Variants in CCZ1 observed in about 807,000 individuals in gnomAD.
The protein encoded by CCZ1 is CCZ1 vacuolar protein trafficking and biogenesis associated.
CCZ1 carries 19 observed loss-of-function variants against 57.8 expected under a neutral mutation model. The ratio of observed to expected loss-of-function variants is 0.33; its 90% confidence interval spans 0.23 to 0.48. The LOEUF (loss-of-function observed/expected upper bound fraction) is 0.48, where lower values mean the gene tolerates loss of function less well. Ranked by LOEUF, CCZ1 falls within the 20% of genes least tolerant of loss-of-function variation. The pLI, the probability that CCZ1 is intolerant of heterozygous loss-of-function variation, is 0.99. For missense variants in CCZ1, 200 were observed against 492.0 expected, an observed-to-expected ratio of 0.41 and a Z score of 5.61; for synonymous variants, 81 against 167.0, an observed-to-expected ratio of 0.49 and a Z score of 3.97.
intron 12 of CCZ1, among the ~76,000 whole-genome samples, chr7:5,920,955 T>TTG (rs1554283012): frequency 1.1e-5 from 1 of 89,656 alleles, no homozygotes; most frequent in African/African-American, 5.4e-5. Context: ...TTTTGGGTTT[T>TTG]TTTTTTTTTT....
rs1169120328 is a variant in CCZ1, at chr7:5,920,955, T to G, written c.1106+989T>G. 7.6e-4 allele frequency among the ~76,000 whole-genome samples: 68 copies of G among 89,688 alleles called. 2 individuals carry two copies. The highest frequency in any genetic ancestry group is 3.0e-3 in the African/African-American group (56 of 18,656). 58.8% of individuals were successfully genotyped at this position (89,688 alleles called of 152,430 possible). A position where few individuals can be genotyped will look rare whatever the true frequency, so the allele number is the denominator to read the frequency against. On this transcript the variant is annotated intron_variant, in intron 12 of 14. Transcript: ENST00000325974. Reference sequence around the variant, plus strand: ...TGTTCATACGTTGTTTTTTGGGTTTTTTTTTTTTTTTTTTTTAAGACAGAG... The same window carrying G: ...TGTTCATACGTTGTTTTTTGGGTTTGTTTTTTTTTTTTTTTTAAGACAGAG...
At chr7:5,916,495 T>C in intron 10 of CCZ1, among the ~76,000 whole-genome samples, 1 of 38,920 alleles carries the variant, frequency 2.6e-5, no homozygotes, top group South Asian at 1.5e-3. Context: ...GGGTTTTTGT[T>C]TTGTTTTTTG....
intron 8 of CCZ1, among the ~76,000 whole-genome samples, chr7:5,911,610 A>C (rs1443404469): frequency 1.5e-4 from 22 of 149,060 alleles, no homozygotes; most frequent in African/African-American, 5.5e-4. Flanking sequence ...TTTAAAAACT[A>C]GCCAGGTTTG....
chr7:5,906,164 A>G (rs1393278085), intron 7 of CCZ1, among the ~76,000 whole-genome samples: 1 of 147,932 alleles, frequency 6.8e-6, no homozygotes, highest in African/African-American at 2.5e-5. Context: ...CAACGTGGGC[A>G]CAAGACTGCC....
At chr7:5,919,825 G>A (rs1173622835) in intron 11 of CCZ1, 24 bp from the exon 12 acceptor site, 1 of 1,612,002 alleles carries the variant, frequency 6.2e-7, no homozygotes, top group African/African-American at 1.3e-5. Context: ...AATCTTACTG[G>A]TATTTTTTGT....
intron 7 of CCZ1, among the ~76,000 whole-genome samples, chr7:5,907,156 G>A (rs1487309153): frequency 6.7e-5 from 10 of 149,848 alleles, no homozygotes; most frequent in Non-Finnish European, 1.2e-4. Flanking sequence ...ACTGTGCCCC[G>A]CCTCCACCTA....
At chr7:5,899,332 GGGGTGTGTGTGTGTGTGTGT>G (rs1288878994) in intron 1 of CCZ1, among the ~76,000 whole-genome samples, 59 of 128,886 alleles carry the variant, frequency 4.6e-4, no homozygotes, top group African/African-American at 6.0e-4. Flanking sequence ...TTTCGGGAGG[GGGGTGTGTGTGTGTGTGTGT>G]GTGTGTGTGT....
intron 8 of CCZ1, 135 bp from the exon 9 acceptor site, chr7:5,911,726 A>C (rs1779044969): frequency 2.3e-5 from 30 of 1,304,688 alleles, no homozygotes; most frequent in Non-Finnish European, 3.0e-5. Flanking sequence ...CAGCCTGGGC[A>C]ACAGAACAAG....
chr7:5,920,951 G>GT (rs201738735), intron 12 of CCZ1, among the ~76,000 whole-genome samples: 9,147 of 83,910 alleles, frequency 0.11, 1,076 homozygotes, highest in Non-Finnish European at 0.14. Flanking sequence ...TGTTTTTTGG[G>GT]TTTTTTTTTT....
chr7:5,903,568 T>A (rs1480159099), intron 6 of CCZ1, among the ~76,000 whole-genome samples: 1 of 73,242 alleles, frequency 1.4e-5, no homozygotes, highest in Non-Finnish European at 2.6e-5. Context: ...TTTGTCATTT[T>A]AATGACCACA....
intron 5 of CCZ1, 41 bp from the exon 6 acceptor site, chr7:5,902,620 A>G (rs1218031954): frequency 1.9e-6 from 3 of 1,553,036 alleles, no homozygotes; most frequent in Non-Finnish European, 2.6e-6. Context: ...AAGTGAGCAT[A>G]GGAAACTGAT....
In CCZ1 at chr7:5,903,242, T is replaced by C. The variant is rs1168046070; in HGVS notation, c.522+498T>C. On this transcript the variant is annotated intron_variant, in intron 6 of 14. Coordinates refer to ENST00000325974, the MANE Select transcript of CCZ1 (RefSeq NM_015622.6). ...TTCCAAGTGCTGTCCTCTTTCGTTG[T>C]AATTGAATTTTGCATGTTTCACCCT... Among the ~76,000 whole-genome samples, 35 of 146,020 alleles carry C rather than the reference T, an allele frequency of 2.4e-4. 2 individuals are homozygous for C. The highest frequency in any genetic ancestry group is 8.6e-4 in the African/African-American group (34 of 39,348).
intron 10 of CCZ1, among the ~76,000 whole-genome samples, chr7:5,916,531 T>G: frequency 7.2e-6 from 1 of 139,680 alleles, no homozygotes; most frequent in East Asian, 2.1e-4. Context: ...GTTTTTTGGT[T>G]TTTGAGATGG....
Position 5,904,786 on chromosome 7 carries a change from G to T in CCZ1, c.523-308G>T, listed in dbSNP as rs538268456. Reference sequence around the variant, plus strand: ...GCGGAGCTTGCAGTGAGCTGAGATCGCACCACTGCACTCCAGCCTGGATGA... The same window carrying T: ...GCGGAGCTTGCAGTGAGCTGAGATCTCACCACTGCACTCCAGCCTGGATGA... On this transcript the variant is annotated intron_variant, in intron 6 of 14. Coordinates refer to ENST00000325974, the MANE Select transcript of CCZ1 (RefSeq NM_015622.6). Among the ~76,000 whole-genome samples the T allele has an allele frequency of 2.4e-4, 35 of 147,896 alleles. 6 individuals carry two copies. Among genetic ancestry groups the T allele is most frequent in the African/African-American group, 8.9e-4 (35 of 39,280 alleles).
chr7:5,913,937 C>T (rs1441083347), intron 10 of CCZ1, among the ~76,000 whole-genome samples: 3 of 133,598 alleles, frequency 2.2e-5, no homozygotes, highest in Admixed American at 7.5e-5. Context: ...AGAATGAGGC[C>T]CTGCTCATTC....
chr7:5,903,917 C>T (rs1203935757), intron 6 of CCZ1, among the ~76,000 whole-genome samples: 1 of 142,676 alleles, frequency 7.0e-6, no homozygotes, highest in Non-Finnish European at 1.5e-5. Context: ...ATCGCTTGAA[C>T]CCCGGAGGCG....
intron 5 of CCZ1, 28 bp from the exon 6 acceptor site, chr7:5,902,633 T>C (rs1444287772): frequency 3.2e-6 from 5 of 1,560,366 alleles, no homozygotes; most frequent in Non-Finnish European, 4.3e-6. Context: ...AAACTGATTT[T>C]TTTTCCTGCA....
In CCZ1 at chr7:5,925,687, A is replaced by AC; in HGVS notation, c.*1dup. On this transcript the variant is annotated 3_prime_UTR_variant, in exon 15 of 15. Transcript: ENST00000325974. ...TCAACAACATCTTCTTCTTGGATTG[A>AC]CGGATGACGGCTCACCGAGAGCATA... 1.9e-6 allele frequency: 3 copies of AC among 1,601,930 alleles called. No homozygotes were observed. Among genetic ancestry groups the AC allele is most frequent in the Non-Finnish European group, 2.6e-6 (3 of 1,169,890 alleles).
rs556668387 is a variant in CCZ1 at position 5,904,228 on chromosome 7, G to T, written c.523-866G>T. Among the ~76,000 whole-genome samples the T allele has an allele frequency of 1.3e-3, 185 of 137,224 alleles. 12 individuals carry two copies. Among genetic ancestry groups the T allele is most frequent in the African/African-American group, 4.8e-3 (172 of 35,492 alleles). The allele number at this position is 137,224 out of a possible 152,430, so 90.0% of individuals were successfully genotyped here. A position where few individuals can be genotyped will look rare whatever the true frequency, so the allele number is the denominator to read the frequency against. On this transcript the variant is annotated intron_variant, in intron 6 of 14. Transcript: ENST00000325974. ...CTGTCTCAGCCTCCTGAATAGTTGGGATTACAGGCTACCACGCCCGGCTAA... is the reference window on the plus strand; with the variant it reads ...CTGTCTCAGCCTCCTGAATAGTTGGTATTACAGGCTACCACGCCCGGCTAA...
Sources: allele counts gnomAD v4.1 joint callset (sites outside exome capture counted in the v4.1 genomes callset), GRCh38; gene constraint gnomAD v4.1.1; transcripts MANE v1.5; gene names NCBI Gene and HGNC (gene_info 2026-07-23, HGNC 2026-07-21).